The following AGPAT4 variants were observed in gnomAD, a reference collection of about 807,000 sequenced individuals.
AGPAT4 encodes 1-acyl-sn-glycerol-3-phosphate acyltransferase delta.
In AGPAT4, 15 loss-of-function variants were observed where a neutral mutation model predicts 48.0. That is an observed-to-expected ratio of 0.31 (90% confidence interval 0.21 to 0.48). The LOEUF (loss-of-function observed/expected upper bound fraction) is 0.48. Among genes scored for constraint, AGPAT4 ranks in the 20% least tolerant of loss-of-function variants. The pLI, the probability that AGPAT4 is intolerant of heterozygous loss-of-function variation, is 0.99. For synonymous variants in AGPAT4, 178 were observed against 198.7 expected, an observed-to-expected ratio of 0.90 and a Z score of 0.88; for missense variants, 314 against 482.5, an observed-to-expected ratio of 0.65 and a Z score of 3.27.
In AGPAT4 at chr6:161,201,074, C is replaced by T. The variant is rs1006671189; in HGVS notation, c.178+30962G>A. On this transcript the variant is annotated intron_variant, in intron 2 of 8. Coordinates refer to ENST00000320285, the MANE Select transcript of AGPAT4 (RefSeq NM_020133.3). The surrounding 1 kb of genome is among the most constrained non-coding windows in gnomAD (Gnocchi z 6.0). ...ACGATTACAGCTCAGCCGAGGAAGTCATCATGAGCCGTGCGGTGTTGCAAA... is the reference window on the plus strand; with the variant it reads ...ACGATTACAGCTCAGCCGAGGAAGTTATCATGAGCCGTGCGGTGTTGCAAA... Among the ~76,000 whole-genome samples, 1 of 152,170 alleles carries T rather than the reference C, an allele frequency of 6.6e-6. No individual in the cohort carries two copies. Among genetic ancestry groups the T allele is most frequent in the Non-Finnish European group, 1.5e-5 (1 of 68,030 alleles).
Position 161,161,263 on chromosome 6 carries a change from G to T in AGPAT4, c.348+4985C>A, listed in dbSNP as rs1234066158. 1 of 456,588 alleles carries T rather than the reference G, an allele frequency of 2.2e-6. No homozygotes were observed. Among genetic ancestry groups the T allele is most frequent in the African/African-American group, 2.0e-5 (1 of 50,074 alleles). The allele number at this position is 456,588 out of a possible 1,614,324, so 28.3% of individuals were successfully genotyped here. A position where few individuals can be genotyped will look rare whatever the true frequency, so the allele number is the denominator to read the frequency against. ...ACCGGACTTTTACAGATGAGCATGC[G>T]CTCCCACCTCCAGGATGGTAGTCGG... On this transcript the variant is annotated intron_variant, in intron 3 of 8. Transcript: ENST00000320285. This position sits in a 1 kb window ranked among gnomAD's most constrained non-coding sequence, Gnocchi z 4.6.
chr6:161,257,334 C>T (rs1190979953), intron 1 of AGPAT4, among the ~76,000 whole-genome samples: 1 of 152,124 alleles, frequency 6.6e-6, no homozygotes, highest in Non-Finnish European at 1.5e-5. Context: ...CAGAACAATA[C>T]ATAGTGAATT....
chr6:161,136,561 G>C lies in AGPAT4; in HGVS notation c.1116C>G (p.Ser372Arg). ...DKGSAYGNSD[S>R]KQKLND is the part of the protein sequence containing the mutation. ...TGAGTCAGTCATTCAGTTTCTGCTT[G>C]CTGTCAGAGTTGCCGTAGGCAGAGC... The change falls in exon 9 of 9, where the codon AGC becomes AGG. Residue 372 changes from serine (S) to arginine (R), a missense_variant. Ser to Arg is a moderately radical substitution (Grantham distance 110). Coordinates refer to ENST00000320285, the MANE Select transcript of AGPAT4 (RefSeq NM_020133.3). The C allele has an allele frequency of 6.2e-7, 1 of 1,614,152 alleles. No individual in the cohort carries two copies. The highest frequency in any genetic ancestry group is 1.1e-5 in the South Asian group (1 of 91,084).
chr6:161,179,752 C>T (rs1411251457), intron 2 of AGPAT4, among the ~76,000 whole-genome samples: 2 of 152,136 alleles, frequency 1.3e-5, no homozygotes, highest in Non-Finnish European at 2.9e-5. Context: ...ATGAATAGTA[C>T]ATACATTTTC....
rs1297260164 is a variant in AGPAT4 at position 161,136,717 on chromosome 6, G to A, written c.1043-83C>T. ...TCCCACAGAGCAAGTGAGAAGGCCC[G>A]TGGCCGCAAATCACAAGCGCCAGCT... On this transcript the variant is annotated intron_variant, in intron 8 of 8. Transcript: ENST00000320285. 18 of 1,222,658 alleles carry A rather than the reference G, an allele frequency of 1.5e-5. No individual in the cohort carries two copies. In the Admixed American group the frequency reaches 2.0e-4, roughly 14 times the overall value. The allele number at this position is 1,222,658 out of a possible 1,614,324, so 75.7% of individuals were successfully genotyped here. A position where few individuals can be genotyped will look rare whatever the true frequency, so the allele number is the denominator to read the frequency against.
chr6:161,148,504 C>A lies in AGPAT4; in HGVS notation c.767+683G>T, dbSNP rs1043695289. On this transcript the variant is annotated intron_variant, in intron 6 of 8. Transcript: ENST00000320285. The surrounding 1 kb of genome is among the most constrained non-coding windows in gnomAD (Gnocchi z 5.5). ...AAGGTTATACGCCCCTGGATTAGTT[C>A]TCCATTAGTGGGCATTTCAGATTCT... is the stretch of plus-strand genomic sequence containing the variant. 2.0e-4 allele frequency among the ~76,000 whole-genome samples: 31 copies of A among 152,112 alleles called. No individual in the cohort carries two copies. The highest frequency in any genetic ancestry group is 4.4e-5 in the Non-Finnish European group (3 of 68,020).
At chr6:161,175,915 C>A (rs1015809701) in intron 2 of AGPAT4, among the ~76,000 whole-genome samples, 12 of 152,080 alleles carry the variant, frequency 7.9e-5, no homozygotes, top group South Asian at 4.1e-4. Context: ...ATTCAGGAGC[C>A]AGTTGTTCAG....
rs562567200 is a variant in AGPAT4, at chr6:161,267,095, G to A, written c.-90+6843C>T. Among the ~76,000 whole-genome samples the A allele has an allele frequency of 1.7e-3, 252 of 152,318 alleles. No individual in the cohort carries two copies. Among genetic ancestry groups the A allele is most frequent in the Middle Eastern group, 0.014 (4 of 294 alleles). The stretch of plus-strand genomic sequence containing the variant: ...GAGAGCAGCCACCACAGGTGTCCTT[G>A]AGAGCAGCTGCTCAGTCAAGTTCAA... On this transcript the variant is annotated intron_variant, in intron 1 of 8. Transcript: ENST00000320285. The surrounding 1 kb of genome is among the most constrained non-coding windows in gnomAD (Gnocchi z 5.2).
rs1582903031 is a variant in AGPAT4, at chr6:161,242,214, A to G, written c.-89-9912T>C. ...GGTTTAGTTAGAGGAGGTGAAGTGTAAAGGGCTAATGGTGAGTAACTGTGG... is the reference window on the plus strand; with the variant it reads ...GGTTTAGTTAGAGGAGGTGAAGTGTGAAGGGCTAATGGTGAGTAACTGTGG... On this transcript the variant is annotated intron_variant, in intron 1 of 8. Transcript: ENST00000320285. The surrounding 1 kb of genome is among the most constrained non-coding windows in gnomAD (Gnocchi z 5.0). Among the ~76,000 whole-genome samples, 1 of 152,384 alleles carries G rather than the reference A, an allele frequency of 6.6e-6. No individual in the cohort carries two copies. The highest frequency in any genetic ancestry group is 1.9e-4 in the East Asian group (1 of 5,190).
At chr6:161,271,554 A>G (rs1783424846) in intron 1 of AGPAT4, among the ~76,000 whole-genome samples, 1 of 152,240 alleles carries the variant, frequency 6.6e-6, no homozygotes, top group Admixed American at 6.5e-5. Flanking sequence ...CACCTCTGTC[A>G]GCCTCTTCCA....
rs1779457284 is a variant in AGPAT4 at position 161,147,212 on chromosome 6, G to T, written c.768-613C>A. Among the ~76,000 whole-genome samples the T allele has an allele frequency of 6.6e-6, 1 of 152,126 alleles. No individual in the cohort carries two copies. On this transcript the variant is annotated intron_variant, in intron 6 of 8. Transcript: ENST00000320285. The surrounding 1 kb of genome is among the most constrained non-coding windows in gnomAD (Gnocchi z 4.8). ...CCCAGGCTCCATGGCTCAGACAGGG[G>T]TCTTGAGTCACTGTGCACCAGCGAG...
At position 161,221,918 on chromosome 6, in the gene AGPAT4, T is replaced by C. The variant is rs887063335; in HGVS notation, c.178+10118A>G. Among the ~76,000 whole-genome samples the C allele has an allele frequency of 1.7e-4, 26 of 152,248 alleles. No homozygotes were observed. The highest frequency in any genetic ancestry group is 6.0e-4 in the African/African-American group (25 of 41,468). On this transcript the variant is annotated intron_variant, in intron 2 of 8. Transcript: ENST00000320285. The surrounding 1 kb of genome is among the most constrained non-coding windows in gnomAD (Gnocchi z 4.5). ...GGCCTCATCTTAACTTGATCATCTATGAAGACTCTATTTCCAAACAAGTTC... is the reference window on the plus strand; with the variant it reads ...GGCCTCATCTTAACTTGATCATCTACGAAGACTCTATTTCCAAACAAGTTC...
chr6:161,218,607 C>T lies in AGPAT4; in HGVS notation c.178+13429G>A, dbSNP rs552282933. ...CTCCAAGTGCGTGTTACCATAACACCGGGGCAGGATCCTCCGCTCCACGGC... is the reference window on the plus strand; with the variant it reads ...CTCCAAGTGCGTGTTACCATAACACTGGGGCAGGATCCTCCGCTCCACGGC... On this transcript the variant is annotated intron_variant, in intron 2 of 8. Transcript: ENST00000320285. The surrounding 1 kb of genome is among the most constrained non-coding windows in gnomAD (Gnocchi z 4.7). Among the ~76,000 whole-genome samples the T allele has an allele frequency of 7.9e-5, 12 of 152,260 alleles. No homozygotes were observed. In the South Asian group the frequency reaches 8.3e-4, roughly 11 times the overall value.
At chr6:161,253,017 C>T (rs1379458484) in intron 1 of AGPAT4, among the ~76,000 whole-genome samples, 1 of 151,528 alleles carries the variant, frequency 6.6e-6, no homozygotes, top group Non-Finnish European at 1.5e-5. Flanking sequence ...AGATCGAGAC[C>T]ATCCTGGCCA....
At chr6:161,150,748 G>A (rs2114962908) in intron 5 of AGPAT4, among the ~76,000 whole-genome samples, 1 of 152,330 alleles carries the variant, frequency 6.6e-6, no homozygotes, top group Middle Eastern at 3.4e-3. Flanking sequence ...GGGTGGCTGG[G>A]AGAGAACCTG....
chr6:161,214,024 C>T lies in AGPAT4; in HGVS notation c.178+18012G>A, dbSNP rs1781582064. On this transcript the variant is annotated intron_variant, in intron 2 of 8. Transcript: ENST00000320285. The surrounding 1 kb of genome is among the most constrained non-coding windows in gnomAD (Gnocchi z 5.4). Reference sequence around the variant, plus strand: ...AACTGTTTAGGGCAAACGTGCCACCCATTCTATTCAAAGGCATCCCTCTGC... The same window carrying T: ...AACTGTTTAGGGCAAACGTGCCACCTATTCTATTCAAAGGCATCCCTCTGC... Among the ~76,000 whole-genome samples, 1 of 152,172 alleles carries T rather than the reference C, an allele frequency of 6.6e-6. No homozygotes were observed. Among genetic ancestry groups the T allele is most frequent in the South Asian group, 2.1e-4 (1 of 4,828 alleles).
intron 2 of AGPAT4, among the ~76,000 whole-genome samples, chr6:161,176,294 G>A (rs1214791539): frequency 2.6e-5 from 4 of 152,114 alleles, no homozygotes; most frequent in African/African-American, 7.2e-5. Flanking sequence ...GGTCTCTAAG[G>A]ACTTGCTTTA....
Position 161,149,087 on chromosome 6 carries a change from G to A in AGPAT4, c.767+100C>T. 7.0e-7 allele frequency: 1 copy of A among 1,429,496 alleles called. No homozygotes were observed. Among genetic ancestry groups the A allele is most frequent in the South Asian group, 1.4e-5 (1 of 69,846 alleles). 88.6% of individuals were successfully genotyped at this position (1,429,496 alleles called of 1,614,324 possible). ...CAAAACAGACTGCAAAGAAGTCAGT[G>A]TGACCCAGGGATCCCTGGAAGAAAG... On this transcript the variant is annotated intron_variant, in intron 6 of 8. Coordinates refer to ENST00000320285, the MANE Select transcript of AGPAT4 (RefSeq NM_020133.3). This position sits in a 1 kb window ranked among gnomAD's most constrained non-coding sequence, Gnocchi z 6.5.
At chr6:161,170,471 GCGCACACACACACACACA>G (rs1415140321) in intron 2 of AGPAT4, among the ~76,000 whole-genome samples, 4 of 113,728 alleles carry the variant, frequency 3.5e-5, no homozygotes, top group Non-Finnish European at 7.6e-5. Flanking sequence ...ACGTGCGCGC[GCGCACACACACACACACA>G]CACACACACA....
Sources: gnomAD v4.1 joint callset for allele counts (sites outside exome capture counted in the v4.1 genomes callset) on GRCh38, gnomAD v4.1.1 for gene constraint, Gnocchi (gnomAD v3.1) non-coding constraint, MANE v1.5 for transcripts, NCBI Gene and HGNC (gene_info 2026-07-23, HGNC 2026-07-21) for gene names.